Variants in CDH18 observed in about 807,000 individuals in gnomAD.
The protein encoded by CDH18 is cadherin-18.
CDH18 carries 31 observed loss-of-function variants against 67.9 expected under a neutral mutation model. That is an observed-to-expected ratio of 0.46 (90% CI 0.34 to 0.62). The LOEUF is 0.62. Ranked by LOEUF, CDH18 falls within the 20% of genes least tolerant of loss-of-function variation. The probability of loss-of-function intolerance (pLI) is 0.01; values close to 1 mark genes in which losing one functional copy is unlikely to be tolerated. For missense variants in CDH18, 890 were observed against 975.5 expected (o/e 0.91, Z 1.17); for synonymous variants, 362 against 347.2 (o/e 1.04, Z -0.48).
At chr5:19,599,245 T>C (rs1224350385) in intron 6 of CDH18, among the ~76,000 whole-genome samples, 2 of 152,116 alleles carry the variant, frequency 1.3e-5, no homozygotes, top group Admixed American at 6.5e-5. Context: ...GATTATATAA[T>C]CTAAAAGACA....
At chr5:19,858,956 C>T (rs1330608823) in intron 2 of CDH18, among the ~76,000 whole-genome samples, 1 of 150,792 alleles carries the variant, frequency 6.6e-6, no homozygotes, top group Non-Finnish European at 1.5e-5. Context: ...TTAAACTGAG[C>T]ATGAAAAATG....
chr5:19,499,391 A>G (rs1005368406), intron 11 of CDH18, among the ~76,000 whole-genome samples: 1 of 152,126 alleles, frequency 6.6e-6, no homozygotes, highest in African/African-American at 2.4e-5. Context: ...CTATAATTGC[A>G]TATATGTGCT....
chr5:19,572,766 G>A (rs1173907198), intron 7 of CDH18, among the ~76,000 whole-genome samples: 8 of 152,002 alleles, frequency 5.3e-5, no homozygotes, highest in Non-Finnish European at 1.0e-4. Context: ...ATATCACACT[G>A]GGGATTAGAT....
Position 20,448,992 on chromosome 5 carries a change from A to AATATATAT in CDH18, c.-580+126462_-580+126469dup, listed in dbSNP as rs34431118. 6.6e-3 allele frequency among the ~76,000 whole-genome samples: 979 copies of AATATATAT among 148,814 alleles called. 14 individuals carry two copies. The highest frequency in any genetic ancestry group is 0.022 in the African/African-American group (916 of 40,766). ...GCCAACTAGAGCTTCCTGTTGCATG[A>AATATATAT]ATATATATATATATATATCCGATAC... On this transcript the variant is annotated intron_variant, in intron 1 of 14. Coordinates refer to the CDH18 transcript ENST00000507958.
chr5:20,071,261 C>G (rs930657190), intron 2 of CDH18, among the ~76,000 whole-genome samples: 1 of 151,868 alleles, frequency 6.6e-6, no homozygotes, highest in Non-Finnish European at 1.5e-5. Flanking sequence ...AAGATCCTGT[C>G]AAGACTTAGC....
chr5:19,933,526 T>C (rs968537875), intron 2 of CDH18, among the ~76,000 whole-genome samples: 1 of 151,550 alleles, frequency 6.6e-6, no homozygotes, highest in Non-Finnish European at 1.5e-5. Flanking sequence ...AGCAAAACTT[T>C]TGGAGTTACC....
chr5:20,384,570 A>G (rs1030920984), intron 1 of CDH18, among the ~76,000 whole-genome samples: 1 of 152,148 alleles, frequency 6.6e-6, no homozygotes, highest in Non-Finnish European at 1.5e-5. Context: ...CCTCTTTGAC[A>G]TCCTAATTTC....
intron 2 of CDH18, among the ~76,000 whole-genome samples, chr5:19,858,453 A>C (rs2079156799): frequency 6.6e-6 from 1 of 152,188 alleles, no homozygotes; most frequent in South Asian, 2.1e-4. Flanking sequence ...TTAAATAATA[A>C]ATCAAGTTGT....
At chr5:19,711,144 A>G (rs932657362) in intron 5 of CDH18, among the ~76,000 whole-genome samples, 2 of 152,124 alleles carry the variant, frequency 1.3e-5, no homozygotes, top group Non-Finnish European at 2.9e-5. Context: ...TAAAAATACT[A>G]GAAGAAAACC....
chr5:20,270,361 T>G (rs1027655570), intron 1 of CDH18, among the ~76,000 whole-genome samples: 2 of 152,106 alleles, frequency 1.3e-5, no homozygotes, highest in Non-Finnish European at 2.9e-5. Context: ...AAGGAATGAA[T>G]GGTGTTCCCC....
chr5:19,501,633 A>T (rs1310273964), intron 11 of CDH18, among the ~76,000 whole-genome samples: 1 of 152,132 alleles, frequency 6.6e-6, no homozygotes, highest in Non-Finnish European at 1.5e-5. Flanking sequence ...ACATCTTCAA[A>T]TCGAAGTCAA....
intron 5 of CDH18, among the ~76,000 whole-genome samples, chr5:19,699,439 T>C (rs967763521): frequency 1.3e-5 from 2 of 152,136 alleles, no homozygotes; most frequent in Admixed American, 6.5e-5. Flanking sequence ...ATGGACTGAA[T>C]GTTTGTTTCC....
chr5:20,241,801 A>G (rs1315715045), intron 2 of CDH18, among the ~76,000 whole-genome samples: 1 of 150,996 alleles, frequency 6.6e-6, no homozygotes, highest in East Asian at 2.0e-4. Flanking sequence ...GCAGTGAGCC[A>G]AGATTGCGCC....
chr5:19,991,131 T>A (rs575847639), upstream of CDH18, among the ~76,000 whole-genome samples: 5 of 152,270 alleles, frequency 3.3e-5, no homozygotes, highest in East Asian at 9.7e-4. Flanking sequence ...AGAGAGAGAC[T>A]CAGAAAATTG....
intron 2 of CDH18, among the ~76,000 whole-genome samples, chr5:19,911,195 C>T (rs1221803727): frequency 1.3e-5 from 2 of 152,090 alleles, no homozygotes; most frequent in Non-Finnish European, 1.5e-5. Flanking sequence ...TACTCCTCTC[C>T]CTGAACAGTG....
At chr5:20,151,761 T>C (rs1220613363) in intron 2 of CDH18, among the ~76,000 whole-genome samples, 3 of 151,986 alleles carry the variant, frequency 2.0e-5, no homozygotes, top group Non-Finnish European at 4.4e-5. Context: ...AATTTATGAA[T>C]AGAAAAAGGA....
At chr5:19,859,478 A>C (rs1784648426) in intron 2 of CDH18, among the ~76,000 whole-genome samples, 1 of 151,642 alleles carries the variant, frequency 6.6e-6, no homozygotes, top group Non-Finnish European at 1.5e-5. Context: ...TCTGTAGAGA[A>C]TCTCCTTCCC....
intron 3 of CDH18, among the ~76,000 whole-genome samples, chr5:19,761,676 T>G (rs1304978710): frequency 6.6e-6 from 1 of 152,120 alleles, no homozygotes. Flanking sequence ...CCAAGGTAAT[T>G]TATAGATTCA....
intron 2 of CDH18, among the ~76,000 whole-genome samples, chr5:20,021,474 T>C (rs1738415053): frequency 1.3e-5 from 2 of 152,108 alleles, no homozygotes. Context: ...AGGAGGGGCC[T>C]GGTATGAGGA....
Sources: allele counts gnomAD v4.1 joint callset (sites outside exome capture counted in the v4.1 genomes callset), GRCh38; gene constraint gnomAD v4.1.1; transcripts MANE v1.5; gene names NCBI Gene and HGNC (gene_info 2026-07-23, HGNC 2026-07-21).